Variants in TENM3 observed in about 807,000 individuals in gnomAD.
TENM3 encodes the protein teneurin transmembrane protein 3.
In TENM3, 63 loss-of-function variants were observed where a neutral mutation model predicts 255.1. The observed-to-expected ratio is 0.25, with a 90% CI of 0.20 to 0.30. The LOEUF is 0.30. Among genes scored for constraint, TENM3 ranks in the 10% least tolerant of loss-of-function variants. The probability of loss-of-function intolerance (pLI) is 1.00; values close to 1 mark genes in which losing one functional copy is unlikely to be tolerated. For missense variants in TENM3, 2,929 were observed against 3,461.1 expected, an observed-to-expected ratio of 0.85 and a Z score of 3.86; for synonymous variants, 1,306 against 1,322.3, an observed-to-expected ratio of 0.99 and a Z score of 0.27.
chr4:182,066,646 C>T, the TENM3 span, among the ~76,000 whole-genome samples: 1 of 150,646 alleles, frequency 6.6e-6, no homozygotes, highest in Non-Finnish European at 1.5e-5. Context: ...CGCGGTGGCT[C>T]ATGCCTATAA....
chr4:181,900,791 A>C, the TENM3 span, among the ~76,000 whole-genome samples: 3 of 152,168 alleles, frequency 2.0e-5, no homozygotes, highest in Non-Finnish European at 2.9e-5. Context: ...TTTCCCCCGG[A>C]GCACAAGAGC....
At chr4:182,415,550 G>A (rs1448498488) in intron 3 of TENM3, among the ~76,000 whole-genome samples, 6 of 152,112 alleles carry the variant, frequency 3.9e-5, no homozygotes, top group Non-Finnish European at 8.8e-5. Flanking sequence ...CATGATAAGA[G>A]AGGGAGACTG....
chr4:181,801,490 G>A, the TENM3 span, among the ~76,000 whole-genome samples: 27 of 151,780 alleles, frequency 1.8e-4, no homozygotes, highest in Non-Finnish European at 3.1e-4. Context: ...GAGGGTGGAG[G>A]GGGCCATGTA....
intron 3 of TENM3, among the ~76,000 whole-genome samples, chr4:182,569,281 G>C (rs550063459): frequency 6.6e-6 from 1 of 152,238 alleles, no homozygotes; most frequent in South Asian, 2.1e-4. Flanking sequence ...CAGGCCAGGC[G>C]CAGTGGCTCA....
the TENM3 span, among the ~76,000 whole-genome samples, chr4:181,871,894 A>G: frequency 6.6e-6 from 1 of 152,118 alleles, no homozygotes; most frequent in Non-Finnish European, 1.5e-5. Flanking sequence ...CCCATCTTGC[A>G]TTCCTGGGAT....
the TENM3 span, among the ~76,000 whole-genome samples, chr4:181,479,000 C>T: frequency 4.6e-5 from 7 of 152,200 alleles, no homozygotes; most frequent in Non-Finnish European, 8.8e-5. Flanking sequence ...AGATTTTGCA[C>T]CTAGTAGAGA....
At chr4:181,792,470 T>G in the TENM3 span, among the ~76,000 whole-genome samples, 1 of 152,156 alleles carries the variant, frequency 6.6e-6, no homozygotes, top group Non-Finnish European at 1.5e-5. Flanking sequence ...TAAATAAGTC[T>G]ACATTGTGGT....
At chr4:182,557,316 G>A (rs907850895) in intron 3 of TENM3, among the ~76,000 whole-genome samples, 2 of 152,116 alleles carry the variant, frequency 1.3e-5, no homozygotes, top group African/African-American at 4.8e-5. Flanking sequence ...CAGATCACTC[G>A]TGTGTGTGAA....
At chr4:182,538,009 C>T (rs1031558581) in intron 3 of TENM3, among the ~76,000 whole-genome samples, 1 of 152,152 alleles carries the variant, frequency 6.6e-6, no homozygotes, top group Admixed American at 6.5e-5. Context: ...TTACCATTTG[C>T]TTTTGGCTGT....
At chr4:182,456,657 A>G (rs11132128) in intron 3 of TENM3, among the ~76,000 whole-genome samples, 73,950 of 151,994 alleles carry the variant, frequency 0.49, 19,308 homozygotes, top group East Asian at 0.78. Context: ...ATCTAATGCA[A>G]CTCTCTTTGG....
chr4:182,606,547 A>C (rs1464461229), intron 4 of TENM3, among the ~76,000 whole-genome samples: 5 of 151,206 alleles, frequency 3.3e-5, no homozygotes, highest in South Asian at 2.1e-4. Flanking sequence ...AAAAAAAAAA[A>C]AGGTAGCGTA....
At chr4:182,075,754 G>A in the TENM3 span, among the ~76,000 whole-genome samples, 1 of 152,072 alleles carries the variant, frequency 6.6e-6, no homozygotes, top group African/African-American at 2.4e-5. Flanking sequence ...TTTCAGCCCT[G>A]CACTCAAGGC....
At chr4:182,385,087 G>T (rs1420194949) in intron 3 of TENM3, among the ~76,000 whole-genome samples, 1 of 151,958 alleles carries the variant, frequency 6.6e-6, no homozygotes. Flanking sequence ...CAGCATTGTT[G>T]TAAGTACAAA....
intron 3 of TENM3, among the ~76,000 whole-genome samples, chr4:182,348,634 A>G (rs1454274606): frequency 6.6e-6 from 1 of 152,174 alleles, no homozygotes; most frequent in Non-Finnish European, 1.5e-5. Context: ...GCACTTTCCA[A>G]ACAAACCTTC....
chr4:181,893,314 T>A, the TENM3 span, among the ~76,000 whole-genome samples: 1 of 152,074 alleles, frequency 6.6e-6, no homozygotes, highest in South Asian at 2.1e-4. Context: ...GAACCCACAC[T>A]CCGAACTTGT....
the TENM3 span, among the ~76,000 whole-genome samples, chr4:181,933,022 G>A: frequency 0.012 from 1,884 of 152,218 alleles, 23 homozygotes; most frequent in Non-Finnish European, 0.015. Flanking sequence ...CAGGGGGTTG[G>A]GGGCAAGGGG....
At chr4:182,735,197 T>C (rs1226188117) in intron 16 of TENM3, among the ~76,000 whole-genome samples, 1 of 152,206 alleles carries the variant, frequency 6.6e-6, no homozygotes, top group African/African-American at 2.4e-5. Flanking sequence ...CTTAAGACCG[T>C]TTTGTGGCTG....
At chr4:182,061,294 C>T in the TENM3 span, among the ~76,000 whole-genome samples, 1 of 152,100 alleles carries the variant, frequency 6.6e-6, no homozygotes, top group African/African-American at 2.4e-5. Context: ...GCAGAGTTCG[C>T]ATGACTTTGG....
chr4:182,086,782 A>G, the TENM3 span, among the ~76,000 whole-genome samples: 1 of 152,182 alleles, frequency 6.6e-6, no homozygotes, highest in Admixed American at 6.5e-5. Flanking sequence ...TAGAAATAAA[A>G]TGGGTCTCTA....
Sources: gnomAD v4.1 joint callset for allele counts (sites outside exome capture counted in the v4.1 genomes callset) on GRCh38, gnomAD v4.1.1 for gene constraint, MANE v1.5 for transcripts, NCBI Gene and HGNC (gene_info 2026-07-23, HGNC 2026-07-21) for gene names.